SLIT1: variants seen among roughly 807,000 people sequenced by gnomAD.
The protein encoded by SLIT1 is slit guidance ligand 1.
In SLIT1, 66 loss-of-function variants were observed where a neutral mutation model predicts 186.1. That is an observed-to-expected ratio of 0.35 (90% confidence interval 0.29 to 0.44). SLIT1 has a LOEUF of 0.44. Among genes scored for constraint, SLIT1 ranks in the 20% least tolerant of loss-of-function variants. SLIT1 has a pLI of 1.00. For missense variants in SLIT1, 1,638 were observed against 2,037.4 expected, an observed-to-expected ratio of 0.80 and a Z score of 3.77; for synonymous variants, 761 against 833.8, an observed-to-expected ratio of 0.91 and a Z score of 1.50.
At chr10:97,059,595 G>A (rs1331925620) in intron 10 of SLIT1, 64 bp from the exon 11 acceptor site, 4 of 1,235,276 alleles carry the variant, frequency 3.2e-6, no homozygotes, top group South Asian at 2.4e-5. Flanking sequence ...GCCCTGCCCA[G>A]TCCCCTCCAC....
chr10:97,035,085 C>T (rs772449051), intron 22 of SLIT1, among the ~76,000 whole-genome samples: 2 of 152,022 alleles, frequency 1.3e-5, no homozygotes, highest in African/African-American at 2.4e-5. Context: ...CTGCCATGGC[C>T]TCTCCGAGTC....
At chr10:97,103,005 C>A (rs1233017424) in intron 4 of SLIT1, 2 of 152,228 alleles carry the variant, frequency 1.3e-5, no homozygotes, top group African/African-American at 4.8e-5. Flanking sequence ...TCTCTGAATA[C>A]TCTAAGGGAG....
chr10:97,174,046 C>A (rs187260925), intron 1 of SLIT1, among the ~76,000 whole-genome samples: 2 of 152,328 alleles, frequency 1.3e-5, no homozygotes, highest in Non-Finnish European at 2.9e-5. Flanking sequence ...TCTTCCCCTG[C>A]CCCTAGCACA....
At position 97,049,043 on chromosome 10, in the gene SLIT1, G is replaced by T; in HGVS notation, c.1377C>A (p.Ile459=). The change falls in exon 14 of 37, where the codon ATC becomes ATA. Residue 459 remains isoleucine (I), a synonymous_variant. Transcript: ENST00000266058. ...WLADFLRTNP[I]ETSGARCASP... is the part of the protein sequence containing the mutation. ...TGGCACAGCGGGCACCACTCGTCTC[G>T]ATGGGATTGGTGCGCAGGAAGTCTG... is the stretch of plus-strand genomic sequence containing the variant. 6.2e-7 allele frequency: 1 copy of T among 1,612,968 alleles called. No individual in the cohort carries two copies. The highest frequency in any genetic ancestry group is 8.5e-7 in the Non-Finnish European group (1 of 1,179,834).
At chr10:97,095,867 C>A (rs930085479) in intron 4 of SLIT1, among the ~76,000 whole-genome samples, 3 of 152,326 alleles carry the variant, frequency 2.0e-5, no homozygotes, top group South Asian at 2.1e-4. Flanking sequence ...TGTTTCCCAG[C>A]CACTAATGTG....
At chr10:97,124,482 C>T (rs1170896176) in intron 4 of SLIT1, among the ~76,000 whole-genome samples, 1 of 152,250 alleles carries the variant, frequency 6.6e-6, no homozygotes, top group Non-Finnish European at 1.5e-5. Context: ...ATAATGCCAG[C>T]TGGATCTCCT....
In SLIT1 at chr10:97,059,940, C is replaced by T. The variant is rs11819479; in HGVS notation, c.1013+147G>A. On this transcript the variant is annotated intron_variant, in intron 10 of 36. Transcript: ENST00000266058. ...AGGAGGTCCCCGCATCACAGCCAAG[C>T]AGCCTGAAGGGCAGGAAGGTCAGGT... 5.5e-3 allele frequency: 3,993 copies of T among 729,422 alleles called. 89 individuals carry two copies. The highest frequency in any genetic ancestry group is 0.053 in the African/African-American group (3,063 of 57,910). The allele number at this position is 729,422 out of a possible 1,614,324, so 45.2% of individuals were successfully genotyped here. A position where few individuals can be genotyped will look rare whatever the true frequency, so the allele number is the denominator to read the frequency against.
At chr10:97,125,175 TC>T (rs1849593396) in intron 4 of SLIT1, among the ~76,000 whole-genome samples, 1 of 152,342 alleles carries the variant, frequency 6.6e-6, no homozygotes, top group Non-Finnish European at 1.5e-5. Flanking sequence ...GTAAAATGCA[TC>T]TTTTCTTTGA....
chr10:97,127,100 C>T (rs571630863), intron 4 of SLIT1, among the ~76,000 whole-genome samples: 18 of 151,338 alleles, frequency 1.2e-4, no homozygotes, highest in African/African-American at 4.3e-4. Context: ...ACCATCCTGG[C>T]TAACATGGTG....
intron 2 of SLIT1, 69 bp from the exon 3 acceptor site, chr10:97,163,520 ACGG>A: frequency 7.2e-7 from 1 of 1,396,726 alleles, no homozygotes. Context: ...AGCTGGCACA[ACGG>A]CGGGGCAGAG....
At chr10:97,023,836 G>A (rs146972024) in intron 25 of SLIT1, among the ~76,000 whole-genome samples, 1,668 of 152,234 alleles carry the variant, frequency 0.011, 28 homozygotes, top group African/African-American at 0.037. Context: ...CCAGCTACTC[G>A]GAAGGCTGAG....
rs535805838 is a variant in SLIT1, at chr10:97,013,304, A to G, written c.3203+437T>C. ...CCACCTCAGATCAGATCTGGCCATG[A>G]GATGGGATGCTTTCCCGAGTTTTGT... On this transcript the variant is annotated intron_variant, in intron 30 of 36. Coordinates refer to ENST00000266058, the MANE Select transcript of SLIT1 (RefSeq NM_003061.3). Among the ~76,000 whole-genome samples, 19 of 152,302 alleles carry G rather than the reference A, an allele frequency of 1.2e-4. No individual in the cohort carries two copies. In the South Asian group the frequency reaches 3.9e-3, roughly 32 times the overall value.
intron 4 of SLIT1, among the ~76,000 whole-genome samples, chr10:97,087,099 TAA>T (rs35370922): frequency 5.1e-4 from 72 of 140,804 alleles, no homozygotes; most frequent in African/African-American, 1.8e-3. Flanking sequence ...TTAAAACAAT[TAA>T]AAAAAAAAAA....
At chr10:97,163,250 G>T in intron 3 of SLIT1, 130 bp downstream of exon 3, 1 of 745,804 alleles carries the variant, frequency 1.3e-6, no homozygotes, top group Non-Finnish European at 2.3e-6. Context: ...GGCTCCATCC[G>T]CTGGTGGAGG....
intron 34 of SLIT1, among the ~76,000 whole-genome samples, chr10:97,003,810 C>T (rs1848334022): frequency 6.6e-6 from 1 of 152,192 alleles, no homozygotes; most frequent in African/African-American, 2.4e-5. Context: ...CAAGGTGTTG[C>T]AGATAGCTCG....
In SLIT1 at chr10:97,077,978, T is replaced by C. The variant is rs1207409691; in HGVS notation, c.414-11892A>G. On this transcript the variant is annotated intron_variant, in intron 4 of 36. Coordinates refer to ENST00000266058, the MANE Select transcript of SLIT1 (RefSeq NM_003061.3). The stretch of plus-strand genomic sequence containing the variant: ...TTAAATAATTAGCCAGGTGTGTTAG[T>C]GTGTCTGTGGTCTCAGCTACTCAGG... Among the ~76,000 whole-genome samples the C allele has an allele frequency of 5.3e-5, 8 of 152,080 alleles. No homozygotes were observed. The East Asian group carries it at 5.8e-4, about 11-fold the overall frequency.
chr10:97,169,084 C>G (rs138690598), intron 1 of SLIT1, among the ~76,000 whole-genome samples: 62 of 152,240 alleles, frequency 4.1e-4, no homozygotes, highest in Middle Eastern at 3.4e-3. Flanking sequence ...TCCTACACCC[C>G]ACTCCACACA....
Position 97,164,947 on chromosome 10 carries a change from A to G in SLIT1, c.198-57T>C, listed in dbSNP as rs1297061716. 1.5e-5 allele frequency: 20 copies of G among 1,378,548 alleles called. No individual in the cohort carries two copies. The African/African-American group carries it at 2.7e-4, about 19-fold the overall frequency. 85.4% of individuals were successfully genotyped at this position (1,378,548 alleles called of 1,614,324 possible). A position where few individuals can be genotyped will look rare whatever the true frequency, so the allele number is the denominator to read the frequency against. ...GGTGAGCAGGGTAAGCCCCCAGGCC[A>G]GGGGCCCTGCTCCAGGTGCCCTCCC... On this transcript the variant is annotated intron_variant, in intron 1 of 36. Coordinates refer to ENST00000266058, the MANE Select transcript of SLIT1 (RefSeq NM_003061.3).
intron 4 of SLIT1, among the ~76,000 whole-genome samples, chr10:97,131,244 G>A (rs574346686): frequency 2.6e-5 from 4 of 152,294 alleles, no homozygotes; most frequent in South Asian, 4.1e-4. Context: ...CCCATGGGAC[G>A]CCTCTAATGC....
Sources: allele counts gnomAD v4.1 joint callset (sites outside exome capture counted in the v4.1 genomes callset), GRCh38; gene constraint gnomAD v4.1.1; transcripts MANE v1.5; gene names NCBI Gene and HGNC (gene_info 2026-07-23, HGNC 2026-07-21).